CCNB1IP1: variants seen among roughly 807,000 people sequenced by gnomAD.
The protein encoded by CCNB1IP1 is E3 ubiquitin-protein ligase CCNB1IP1.
Under a neutral mutation model 25.6 loss-of-function variants are expected in CCNB1IP1, and 14 were observed. That is an observed-to-expected ratio of 0.55 (90% CI 0.36 to 0.85). The LOEUF is 0.85. CCNB1IP1 is among the 40% of genes least tolerant of loss of function. The pLI, the probability that CCNB1IP1 is intolerant of heterozygous loss-of-function variation, is 0.01. For missense variants in CCNB1IP1, 278 were observed against 342.4 expected, an observed-to-expected ratio of 0.81 and a Z score of 1.48; for synonymous variants, 119 against 116.1, an observed-to-expected ratio of 1.02 and a Z score of -0.16.
At chr14:20,326,644 C>T (rs759844660) in intron 3 of CCNB1IP1, 72 bp downstream of exon 3, 16 of 378,442 alleles carry the variant, frequency 4.2e-5, no homozygotes, top group Non-Finnish European at 7.1e-5. Flanking sequence ...CTAATAACAC[C>T]GAGTCCCAAG....
chr14:20,326,505 A>G (rs748237995), intron 3 of CCNB1IP1: 3 of 534,652 alleles, frequency 5.6e-6, no homozygotes, highest in Non-Finnish European at 1.2e-5. Flanking sequence ...CGGACTTAAC[A>G]TGCATTTCAT....
chr14:20,331,792 G>A (rs1328036377), intron 1 of CCNB1IP1, among the ~76,000 whole-genome samples: 1 of 151,442 alleles, frequency 6.6e-6, no homozygotes, highest in Non-Finnish European at 1.5e-5. Flanking sequence ...AACTTAAGTG[G>A]AAAAAGTAAG....
Position 20,311,675 on chromosome 14 carries a change from G to T in CCNB1IP1, c.709C>A (p.Pro237Thr), listed in dbSNP as rs1194878450. The change falls in exon 7 of 7, where the codon CCA (proline) becomes ACA (threonine). Residue 237 changes from proline to threonine, a missense_variant. Pro to Thr is a conservative substitution (Grantham distance 38). Coordinates refer to ENST00000358932, the MANE Select transcript of CCNB1IP1 (RefSeq NM_021178.5). ...GCTGTGGGAGAACCCGCAAAAAATG[G>T]TCTGAACTGAAAATCTCCATCTCCA... ...GDGDGDFQFR[P>T]FFAGSPTAPE... 6.2e-7 allele frequency: 1 copy of T among 1,613,994 alleles called. No homozygotes were observed. The highest frequency in any genetic ancestry group is 2.2e-5 in the East Asian group (1 of 44,900).
At chr14:20,322,578 T>C (rs989220277) in intron 4 of CCNB1IP1, among the ~76,000 whole-genome samples, 6 of 151,544 alleles carry the variant, frequency 4.0e-5, no homozygotes, top group African/African-American at 1.2e-4. Context: ...TGAAGAATTA[T>C]CTACCTTCAT....
chr14:20,311,607 A>G lies in CCNB1IP1; in HGVS notation c.777T>C (p.Ser259=), dbSNP rs1882482548. 4.3e-6 allele frequency: 7 copies of G among 1,613,912 alleles called. No homozygotes were observed. Among genetic ancestry groups the G allele is most frequent in the Non-Finnish European group, 5.9e-6 (7 of 1,180,012 alleles). ...AAACTTGCTGCTGCTCTAATTCACG[A>G]CTTGGAGAGACAAAACTAAAAAAGC... ...SNSFFSFVSP[S]RELEQQQVSS... The change falls in exon 7 of 7, where the codon AGT becomes AGC. Residue 259 remains serine, a synonymous_variant. Coordinates refer to ENST00000358932, the MANE Select transcript of CCNB1IP1 (RefSeq NM_021178.5).
chr14:20,315,136 CAA>C (rs1159450735), intron 5 of CCNB1IP1, among the ~76,000 whole-genome samples: 186 of 9,054 alleles, frequency 0.021, 2 homozygotes, highest in African/African-American at 0.073. Flanking sequence ...TACACCTCAC[CAA>C]AAAAAAAAAA....
intron 4 of CCNB1IP1, among the ~76,000 whole-genome samples, chr14:20,321,220 T>C (rs1882885724): frequency 6.6e-6 from 1 of 152,206 alleles, no homozygotes; most frequent in African/African-American, 2.4e-5. Context: ...AGAAAAGGCT[T>C]TGAGTTTCAA....
At chr14:20,314,419 A>G (rs999487620) in intron 5 of CCNB1IP1, 3 of 152,248 alleles carry the variant, frequency 2.0e-5, no homozygotes, top group South Asian at 2.1e-4. Context: ...TGAGGACCCA[A>G]TGAATCTAGA....
At chr14:20,331,847 A>G (rs545623402) in intron 1 of CCNB1IP1, among the ~76,000 whole-genome samples, 2 of 151,508 alleles carry the variant, frequency 1.3e-5, no homozygotes, top group South Asian at 4.2e-4. Context: ...ATACCTACAC[A>G]TATTTGCTTA....
chr14:20,325,762 A>G (rs1239312148), intron 3 of CCNB1IP1, 109 bp from the exon 4 acceptor site: 1 of 152,096 alleles, frequency 6.6e-6, no homozygotes, highest in East Asian at 1.9e-4. Flanking sequence ...TCTGCTGAAA[A>G]TGCAGGCACG....
At chr14:20,320,261 C>A (rs1403016782) in intron 4 of CCNB1IP1, 1 of 448,698 alleles carries the variant, frequency 2.2e-6, no homozygotes, top group South Asian at 1.6e-5. Context: ...TTCATTCTTC[C>A]CAACATAAAG....
At chr14:20,332,020 ATATATATTTTTTTT>A (rs1347492901) in intron 1 of CCNB1IP1, among the ~76,000 whole-genome samples, 1 of 55,276 alleles carries the variant, frequency 1.8e-5, no homozygotes, top group African/African-American at 7.9e-5. Flanking sequence ...ATATATATAT[ATATATATTTTTTTT>A]TTTTTTTTTT....
intron 4 of CCNB1IP1, among the ~76,000 whole-genome samples, chr14:20,321,484 G>C (rs930960060): frequency 6.7e-6 from 1 of 149,418 alleles, no homozygotes; most frequent in Non-Finnish European, 1.5e-5. Context: ...ACGGAGTCTT[G>C]CTCTGTCACC....
At chr14:20,319,015 G>T (rs1014122557) in intron 4 of CCNB1IP1, 5 of 152,204 alleles carry the variant, frequency 3.3e-5, no homozygotes, top group Admixed American at 2.0e-4. Context: ...CACCCACCTC[G>T]GCCTCCCAAC....
chr14:20,332,025 T>TATATATATGATGTGTATAC (rs1566408082), intron 1 of CCNB1IP1, among the ~76,000 whole-genome samples: 4 of 49,658 alleles, frequency 8.1e-5, no homozygotes, highest in South Asian at 8.6e-4. Context: ...TATATATATA[T>TATATATATGATGTGTATAC]ATTTTTTTTT....
At chr14:20,327,552 C>T (rs1454792967) in intron 2 of CCNB1IP1, among the ~76,000 whole-genome samples, 3 of 149,788 alleles carry the variant, frequency 2.0e-5, no homozygotes, top group African/African-American at 7.4e-5. Context: ...ATACTAGATA[C>T]GCAGTTCATC....
At chr14:20,320,737 G>A (rs1004148866) in intron 4 of CCNB1IP1, among the ~76,000 whole-genome samples, 19 of 150,836 alleles carry the variant, frequency 1.3e-4, no homozygotes, top group Admixed American at 2.6e-4. Flanking sequence ...CCCGGGAGGC[G>A]GAGGTTGCAG....
At chr14:20,316,598 T>C (rs775603428) in intron 4 of CCNB1IP1, 38 bp from the exon 5 acceptor site, 5 of 1,206,654 alleles carry the variant, frequency 4.1e-6, no homozygotes, top group East Asian at 2.4e-5. Context: ...GTAAGTTAAA[T>C]TGCAATGAAA....
chr14:20,322,201 T>C lies in CCNB1IP1; in HGVS notation c.-38+3338A>G, dbSNP rs546667417. ...TTCCAGGTTTTACAATTAAAAACAA[T>C]ACCACAGTGAATGTTCTATACATGT... On this transcript the variant is annotated intron_variant, in intron 4 of 6. Transcript: ENST00000358932. Among the ~76,000 whole-genome samples the C allele has an allele frequency of 1.5e-4, 23 of 152,346 alleles. No homozygotes were observed. The South Asian group carries it at 4.8e-3, about 32-fold the overall frequency.
Sources: gnomAD v4.1 joint callset for allele counts (sites outside exome capture counted in the v4.1 genomes callset) on GRCh38, gnomAD v4.1.1 for gene constraint, MANE v1.5 for transcripts, NCBI Gene and HGNC (gene_info 2026-07-23, HGNC 2026-07-21) for gene names.